Variants in KIAA0319L observed in about 807,000 individuals in gnomAD.
KIAA0319L encodes the protein KIAA0319 like.
A neutral mutation model predicts 120.1 loss-of-function variants in KIAA0319L; 55 were observed. That is an observed-to-expected ratio of 0.46 (90% CI 0.37 to 0.57). The LOEUF (loss-of-function observed/expected upper bound fraction) is 0.57, where lower values mean the gene tolerates loss of function less well. Among genes scored for constraint, KIAA0319L ranks in the 20% least tolerant of loss-of-function variants. The pLI is 0.00. For synonymous variants in KIAA0319L, 398 were observed against 471.9 expected (o/e 0.84, Z 2.03); for missense variants, 1,049 against 1,255.3 (o/e 0.84, Z 2.48).
rs1647641843 is a variant in KIAA0319L at position 35,554,520 on chromosome 1, C to T, written c.-28-1G>A. On this transcript the variant is annotated splice_acceptor_variant, in intron 1 of 20. Transcript: ENST00000325722. LOFTEE classifies it low-confidence loss of function (5UTR_SPLICE). ...CCTCCAGACAGGCAGAACCAGTACA[C>T]TAGAAGGACAGAAAGAGAAGAAATT... 5 of 1,543,230 alleles carry T rather than the reference C, an allele frequency of 3.2e-6. No individual in the cohort carries two copies. The East Asian group carries it at 1.1e-4, about 35-fold the overall frequency.
At chr1:35,466,759 A>T (rs1231130929) in intron 6 of KIAA0319L, 64 bp from the exon 7 acceptor site, 2 of 1,148,176 alleles carry the variant, frequency 1.7e-6, no homozygotes, top group African/African-American at 3.0e-5. Context: ...TTAAAATAAG[A>T]TATATCTGAA....
intron 3 of KIAA0319L, among the ~76,000 whole-genome samples, chr1:35,480,248 AG>A (rs1281503140): frequency 6.6e-6 from 1 of 152,226 alleles, no homozygotes; most frequent in Non-Finnish European, 1.5e-5. Context: ...GGAAAGATAG[AG>A]GCAAAGACCA....
intron 4 of KIAA0319L, among the ~76,000 whole-genome samples, chr1:35,475,249 T>C (rs911541060): frequency 5.3e-5 from 8 of 152,164 alleles, no homozygotes; most frequent in Non-Finnish European, 1.0e-4. Flanking sequence ...TTCTCTCTTT[T>C]CCTCCACTGT....
Position 35,439,423 on chromosome 1 carries a change from C to T in KIAA0319L, c.2962+1624G>A, listed in dbSNP as rs1469103763. The T allele has an allele frequency of 2.0e-5, 3 of 152,132 alleles. No individual in the cohort carries two copies. In the East Asian group the frequency reaches 5.8e-4, roughly 29 times the overall value. 9.4% of individuals were successfully genotyped at this position (152,132 alleles called of 1,614,324 possible). A position where few individuals can be genotyped will look rare whatever the true frequency, so the allele number is the denominator to read the frequency against. ...AGTGAAGTCTGTCCGTTTGATTCAC[C>T]ACAATATAAGCAGTGTCTGGCACAG... On this transcript the variant is annotated intron_variant, in intron 20 of 20. Coordinates refer to ENST00000325722, the MANE Select transcript of KIAA0319L (RefSeq NM_024874.5).
At chr1:35,474,217 T>C (rs1258920142) in intron 5 of KIAA0319L, among the ~76,000 whole-genome samples, 1 of 152,178 alleles carries the variant, frequency 6.6e-6, no homozygotes, top group Non-Finnish European at 1.5e-5. Context: ...AATGTAGGGT[T>C]TGAGATCACA....
chr1:35,542,192 T>C lies in KIAA0319L; in HGVS notation c.142+12158A>G, dbSNP rs144606306. The stretch of plus-strand genomic sequence containing the variant: ...GCTAACAATTGCTGAGTTTTATTTA[T>C]GTACCTGGGAGTAGGCTAAGCCCTT... On this transcript the variant is annotated intron_variant, in intron 2 of 20. Coordinates refer to ENST00000325722, the MANE Select transcript of KIAA0319L (RefSeq NM_024874.5). 3.8e-4 allele frequency among the ~76,000 whole-genome samples: 58 copies of C among 152,386 alleles called. No individual in the cohort carries two copies. In the East Asian group the frequency reaches 0.011, roughly 28 times the overall value.
intron 3 of KIAA0319L, among the ~76,000 whole-genome samples, chr1:35,497,758 A>G (rs957284842): frequency 3.9e-5 from 6 of 152,176 alleles, no homozygotes; most frequent in African/African-American, 9.7e-5. Context: ...ACGATTGCAC[A>G]ATGTCCATTT....
At chr1:35,507,502 A>G (rs1380112630) in intron 2 of KIAA0319L, among the ~76,000 whole-genome samples, 2 of 152,208 alleles carry the variant, frequency 1.3e-5, no homozygotes, top group Non-Finnish European at 2.9e-5. Flanking sequence ...GGAAGAGGGC[A>G]GAGTCCCAAT....
At chr1:35,455,878 C>T in intron 10 of KIAA0319L, 135 bp downstream of exon 10, 1 of 721,476 alleles carries the variant, frequency 1.4e-6, no homozygotes. Context: ...CATACCCGGC[C>T]AAGATAAAGA....
chr1:35,450,139 C>T (rs1641947457), intron 14 of KIAA0319L, 134 bp from the exon 15 acceptor site: 1 of 1,124,444 alleles, frequency 8.9e-7, no homozygotes, highest in African/African-American at 1.5e-5. Context: ...TGATACGGAA[C>T]AGCATTGCAG....
At chr1:35,503,565 C>T (rs888676402) in intron 3 of KIAA0319L, among the ~76,000 whole-genome samples, 1 of 152,174 alleles carries the variant, frequency 6.6e-6, no homozygotes, top group Non-Finnish European at 1.5e-5. Flanking sequence ...CTGATGCATG[C>T]TAAAGTTTGA....
At chr1:35,486,016 G>C (rs2148338419) in intron 3 of KIAA0319L, among the ~76,000 whole-genome samples, 1 of 152,298 alleles carries the variant, frequency 6.6e-6, no homozygotes, top group South Asian at 2.1e-4. Context: ...CTGAGTAATG[G>C]AGGTAAGGAC....
At chr1:35,436,347 TC>T (rs1161588023) in intron 20 of KIAA0319L, among the ~76,000 whole-genome samples, 1 of 152,222 alleles carries the variant, frequency 6.6e-6, no homozygotes, top group Non-Finnish European at 1.5e-5. Flanking sequence ...GGGAGCTTCC[TC>T]ACCCGCGTTG....
intron 2 of KIAA0319L, among the ~76,000 whole-genome samples, chr1:35,514,257 C>T (rs977275684): frequency 1.3e-5 from 2 of 151,412 alleles, no homozygotes; most frequent in African/African-American, 4.9e-5. Flanking sequence ...GTCGGGCTGA[C>T]AACCAAAATG....
At chr1:35,550,716 CT>C (rs928531178) in intron 2 of KIAA0319L, among the ~76,000 whole-genome samples, 1 of 151,306 alleles carries the variant, frequency 6.6e-6, no homozygotes, top group Non-Finnish European at 1.5e-5. Flanking sequence ...TTCCCGTGTA[CT>C]TTTTTTTTAA....
intron 3 of KIAA0319L, among the ~76,000 whole-genome samples, chr1:35,495,863 CA>C (rs200064916): frequency 0.013 from 917 of 68,132 alleles, 2 homozygotes; most frequent in Non-Finnish European, 0.017. Context: ...TAACACTCTA[CA>C]AAAAAAAAAA....
At chr1:35,455,149 A>G (rs1642349667) in intron 10 of KIAA0319L, among the ~76,000 whole-genome samples, 1 of 152,224 alleles carries the variant, frequency 6.6e-6, no homozygotes, top group Non-Finnish European at 1.5e-5. Context: ...CATGGGCTGA[A>G]TCCAGCTTGC....
chr1:35,539,723 G>A (rs1646718835), intron 2 of KIAA0319L, among the ~76,000 whole-genome samples: 1 of 152,186 alleles, frequency 6.6e-6, no homozygotes, highest in Non-Finnish European at 1.5e-5. Context: ...ATTCACTGTA[G>A]CCACCCCACT....
intron 3 of KIAA0319L, among the ~76,000 whole-genome samples, chr1:35,505,731 T>A (rs959881707): frequency 6.6e-6 from 1 of 152,232 alleles, no homozygotes; most frequent in African/African-American, 2.4e-5. Context: ...TGGGTTCCAA[T>A]TCTAGCTATG....
Sources: allele counts gnomAD v4.1 joint callset (sites outside exome capture counted in the v4.1 genomes callset), GRCh38; gene constraint gnomAD v4.1.1; transcripts MANE v1.5; gene names NCBI Gene and HGNC (gene_info 2026-07-23, HGNC 2026-07-21).